The following SHC4 variants were observed in gnomAD, a reference collection of about 807,000 sequenced individuals.
The protein encoded by SHC4 is SHC adaptor protein 4.
SHC4 carries 41 observed loss-of-function variants against 69.4 expected under a neutral mutation model. That is an observed-to-expected ratio of 0.59 (90% CI 0.46 to 0.77). SHC4 has a LOEUF of 0.77. SHC4 is among the 30% of genes least tolerant of loss of function. The probability of loss-of-function intolerance (pLI) is 0.00; values close to 1 mark genes in which losing one functional copy is unlikely to be tolerated. For synonymous variants in SHC4, 318 were observed against 299.3 expected, an observed-to-expected ratio of 1.06 and a Z score of -0.64; for missense variants, 777 against 783.8, an observed-to-expected ratio of 0.99 and a Z score of 0.10.
At chr15:48,937,583 C>CATAGATAGATAG (rs5812469) in intron 1 of SHC4, among the ~76,000 whole-genome samples, 1,654 of 147,918 alleles carry the variant, frequency 0.011, 14 homozygotes, top group Middle Eastern at 0.021. Context: ...CACACAGACA[C>CATAGATAGATAG]ATAGATAGAT....
chr15:48,955,743 G>A (rs1414938398), intron 1 of SHC4, among the ~76,000 whole-genome samples: 1 of 152,124 alleles, frequency 6.6e-6, no homozygotes, highest in Non-Finnish European at 1.5e-5. Flanking sequence ...TTTCTAAAAA[G>A]CACACGCAGC....
chr15:48,959,249 C>T (rs1901500266), intron 1 of SHC4, among the ~76,000 whole-genome samples: 1 of 152,128 alleles, frequency 6.6e-6, no homozygotes, highest in African/African-American at 2.4e-5. Flanking sequence ...TTTCACTTAC[C>T]CCACTTTATT....
At chr15:48,847,071 TAA>T (rs1006661443) in intron 9 of SHC4, among the ~76,000 whole-genome samples, 3 of 151,486 alleles carry the variant, frequency 2.0e-5, no homozygotes, top group African/African-American at 7.3e-5. Flanking sequence ...AATGTTGCCT[TAA>T]ATTAAAAAAA....
chr15:48,885,744 A>T (rs1900023855), intron 3 of SHC4, among the ~76,000 whole-genome samples: 1 of 152,202 alleles, frequency 6.6e-6, no homozygotes, highest in South Asian at 2.1e-4. Context: ...TTCCAAGCAC[A>T]TTCTAAAATG....
chr15:48,853,950 T>C (rs1899263526), intron 8 of SHC4, among the ~76,000 whole-genome samples: 1 of 151,962 alleles, frequency 6.6e-6, no homozygotes, highest in African/African-American at 2.4e-5. Flanking sequence ...TCAAAAGCAA[T>C]TGCAAGAAAA....
In SHC4 at chr15:48,927,498, G is replaced by A. The variant is rs138683404; in HGVS notation, c.586-2549C>T. ...CAAGCACCTACATTTTTCACACTCC[G>A]CTGTGGTGGTTCTTCAAAACTTTAT... On this transcript the variant is annotated intron_variant, in intron 1 of 11. Coordinates refer to ENST00000332408, the MANE Select transcript of SHC4 (RefSeq NM_203349.4). 5.5e-3 allele frequency among the ~76,000 whole-genome samples: 832 copies of A among 152,246 alleles called. 2 individuals are homozygous for A. The highest frequency in any genetic ancestry group is 8.9e-3 in the Non-Finnish European group (604 of 68,002).
At chr15:48,947,769 A>C (rs1309960398) in intron 1 of SHC4, 1 of 152,232 alleles carries the variant, frequency 6.6e-6, no homozygotes, top group Non-Finnish European at 1.5e-5. Context: ...AGCTATTGAA[A>C]AAAATTACAC....
chr15:48,952,183 T>C (rs1315085597), intron 1 of SHC4, among the ~76,000 whole-genome samples: 1 of 152,212 alleles, frequency 6.6e-6, no homozygotes, highest in African/African-American at 2.4e-5. Context: ...GTTTGAATTA[T>C]GCATTTTACC....
Position 48,962,896 on chromosome 15 carries a change from G to A in SHC4, c.120C>T (p.Ser40=). 2 of 1,613,414 alleles carry A rather than the reference G, an allele frequency of 1.2e-6. No homozygotes were observed. The highest frequency in any genetic ancestry group is 1.7e-6 in the Non-Finnish European group (2 of 1,180,032). The part of the protein sequence containing the change: ...YSRFRNESIT[S]LDEGSSGGSV... ...AGCCTCCGGAGCTACCTTCGTCCAA[G>A]GACGTGATCGACTCGTTCCGAAAGC... The change falls in exon 1 of 12, where the codon TCC becomes TCT. Residue 40 remains serine, a synonymous_variant. Transcript: ENST00000332408.
intron 1 of SHC4, among the ~76,000 whole-genome samples, chr15:48,960,466 T>G (rs937343782): frequency 6.6e-6 from 1 of 152,184 alleles, no homozygotes; most frequent in Non-Finnish European, 1.5e-5. Context: ...TGAAAATATT[T>G]CCATTATGTG....
At chr15:48,828,626 C>T (rs1216505210) in intron 11 of SHC4, among the ~76,000 whole-genome samples, 2 of 152,108 alleles carry the variant, frequency 1.3e-5, no homozygotes, top group Middle Eastern at 3.2e-3. Flanking sequence ...CAATAGTGCA[C>T]GAGGGCACCA....
chr15:48,857,650 A>T (rs1324972987), intron 7 of SHC4, 42 bp downstream of exon 7: 4 of 1,437,236 alleles, frequency 2.8e-6, no homozygotes, highest in Admixed American at 4.2e-5. Context: ...AAATGCACAC[A>T]TATATATATA....
intron 9 of SHC4, among the ~76,000 whole-genome samples, chr15:48,847,910 G>T (rs1410456448): frequency 6.6e-6 from 1 of 151,076 alleles, no homozygotes; most frequent in South Asian, 2.1e-4. Context: ...GCTGAGGCAG[G>T]AGAATCGCTT....
chr15:48,848,031 CA>C (rs1219268239), intron 9 of SHC4, among the ~76,000 whole-genome samples: 15 of 142,994 alleles, frequency 1.0e-4, no homozygotes, highest in Non-Finnish European at 2.0e-4. Flanking sequence ...AAAAAACAAA[CA>C]AAAAAAACAT....
intron 5 of SHC4, among the ~76,000 whole-genome samples, chr15:48,871,649 T>A (rs1006452142): frequency 6.6e-6 from 1 of 152,228 alleles, no homozygotes; most frequent in African/African-American, 2.4e-5. Context: ...TGGTTGCTCA[T>A]TCCAGATTAG....
rs1006394877 is a variant in SHC4, at chr15:48,963,281, A to G, written c.-266T>C. ...CTCGCCTTGGAATCCTTGTCGGGAGAGCCTAGACCCAGGCTCCCGGCGGCG... is the reference window on the plus strand; with the variant it reads ...CTCGCCTTGGAATCCTTGTCGGGAGGGCCTAGACCCAGGCTCCCGGCGGCG... On this transcript the variant is annotated 5_prime_UTR_variant, in exon 1 of 12. Transcript: ENST00000332408. 9.7e-6 allele frequency: 4 copies of G among 411,392 alleles called. No homozygotes were observed. The highest frequency in any genetic ancestry group is 6.5e-5 in the South Asian group (1 of 15,416). 25.5% of individuals were successfully genotyped at this position (411,392 alleles called of 1,614,324 possible).
At chr15:48,948,818 A>G (rs1187135039) in intron 1 of SHC4, among the ~76,000 whole-genome samples, 2 of 150,772 alleles carry the variant, frequency 1.3e-5, no homozygotes, top group Non-Finnish European at 1.5e-5. Flanking sequence ...AGGTGGGAGG[A>G]TGGCTTGAGC....
chr15:48,912,446 C>A (rs1900524213), intron 2 of SHC4, among the ~76,000 whole-genome samples: 1 of 152,112 alleles, frequency 6.6e-6, no homozygotes, highest in Non-Finnish European at 1.5e-5. Flanking sequence ...TTTATTGCTT[C>A]TTTTTCTTTA....
chr15:48,942,875 T>TC (rs1901200613), intron 1 of SHC4, among the ~76,000 whole-genome samples: 1 of 152,152 alleles, frequency 6.6e-6, no homozygotes, highest in Non-Finnish European at 1.5e-5. Flanking sequence ...TGCCCTGAAT[T>TC]CCCCTGACCA....
Sources: gnomAD v4.1 joint callset for allele counts (sites outside exome capture counted in the v4.1 genomes callset) on GRCh38, gnomAD v4.1.1 for gene constraint, MANE v1.5 for transcripts, NCBI Gene and HGNC (gene_info 2026-07-23, HGNC 2026-07-21) for gene names.